The following AFG2A variants were observed in gnomAD, a reference collection of about 807,000 sequenced individuals.
AFG2A encodes the protein AAA ATPase AFG2A.
chr4:123,225,702 T>C, the AFG2A span, among the ~76,000 whole-genome samples: 2,151 of 152,330 alleles, frequency 0.014, 49 homozygotes, highest in African/African-American at 0.048. Context: ...AGGCTCTTTT[T>C]TGGTTCCATA....
chr4:123,236,259 T>C, the AFG2A span, among the ~76,000 whole-genome samples: 1 of 152,228 alleles, frequency 6.6e-6, no homozygotes, highest in Admixed American at 6.5e-5. Context: ...GAAAGGGATG[T>C]AGCTACATAT....
the AFG2A span, among the ~76,000 whole-genome samples, chr4:123,215,078 T>C: frequency 2.0e-5 from 3 of 152,116 alleles, no homozygotes; most frequent in African/African-American, 7.2e-5. Context: ...AGATATATTT[T>C]GAAGACTCAA....
chr4:123,177,354 A>T, the AFG2A span, among the ~76,000 whole-genome samples: 1 of 151,902 alleles, frequency 6.6e-6, no homozygotes, highest in African/African-American at 2.4e-5. Context: ...CACCATGCAC[A>T]GCTAATTTTT....
chr4:122,963,344 T>C, the AFG2A span, among the ~76,000 whole-genome samples: 4 of 151,912 alleles, frequency 2.6e-5, no homozygotes, highest in Non-Finnish European at 2.9e-5. Context: ...AACTGAGGAG[T>C]GGCTAGAGAG....
the AFG2A span, among the ~76,000 whole-genome samples, chr4:123,065,417 G>A: frequency 6.6e-6 from 1 of 152,016 alleles, no homozygotes; most frequent in Non-Finnish European, 1.5e-5. Flanking sequence ...TAAATTCTAG[G>A]TTTTTGGAAG....
At chr4:123,088,957 T>C in the AFG2A span, among the ~76,000 whole-genome samples, 1 of 152,194 alleles carries the variant, frequency 6.6e-6, no homozygotes, top group Non-Finnish European at 1.5e-5. Flanking sequence ...TATTCTTACG[T>C]AGAGTCAAAA....
the AFG2A span, among the ~76,000 whole-genome samples, chr4:123,251,505 C>T: frequency 3.9e-5 from 6 of 152,176 alleles, no homozygotes; most frequent in African/African-American, 7.2e-5. Flanking sequence ...AGTTATTGTA[C>T]GACCTTGGGC....
the AFG2A span, among the ~76,000 whole-genome samples, chr4:122,967,166 G>A: frequency 1.3e-5 from 2 of 152,144 alleles, no homozygotes; most frequent in Non-Finnish European, 2.9e-5. Flanking sequence ...ACTTTGGGAG[G>A]CCAGGCCAGG....
At chr4:123,019,477 G>A in the AFG2A span, among the ~76,000 whole-genome samples, 1 of 152,046 alleles carries the variant, frequency 6.6e-6, no homozygotes, top group African/African-American at 2.4e-5. Context: ...TTAGGTATTG[G>A]CATACAGATA....
At chr4:123,174,112 T>C in the AFG2A span, among the ~76,000 whole-genome samples, 1 of 152,208 alleles carries the variant, frequency 6.6e-6, no homozygotes, top group Admixed American at 6.5e-5. Context: ...AAGCAAGCTA[T>C]ATACTGTCAA....
chr4:123,294,599 T>C, the AFG2A span, among the ~76,000 whole-genome samples: 2 of 152,212 alleles, frequency 1.3e-5, no homozygotes, highest in African/African-American at 2.4e-5. Context: ...GAAGCCAACA[T>C]GCCTGGGAGT....
chr4:123,109,358 A>AT, the AFG2A span, among the ~76,000 whole-genome samples: 3 of 151,866 alleles, frequency 2.0e-5, no homozygotes, highest in East Asian at 1.9e-4. Flanking sequence ...AGCCACATTC[A>AT]TTTTTTTTCT....
the AFG2A span, among the ~76,000 whole-genome samples, chr4:122,993,504 C>T: frequency 6.6e-5 from 10 of 151,910 alleles, no homozygotes; most frequent in African/African-American, 2.2e-4. Flanking sequence ...TTTTTCCATA[C>T]CATTGTTATA....
the AFG2A span, among the ~76,000 whole-genome samples, chr4:123,016,607 G>A: frequency 6.6e-6 from 1 of 150,698 alleles, no homozygotes; most frequent in Non-Finnish European, 1.5e-5. Context: ...ATGGGATGGC[G>A]GCCGGGCAGA....
the AFG2A span, among the ~76,000 whole-genome samples, chr4:123,166,466 T>C: frequency 6.6e-6 from 1 of 152,234 alleles, no homozygotes; most frequent in African/African-American, 2.4e-5. Flanking sequence ...TATATATCTA[T>C]CCTGTTAGTT....
the AFG2A span, among the ~76,000 whole-genome samples, chr4:123,020,431 C>T: frequency 2.0e-5 from 3 of 150,852 alleles, no homozygotes; most frequent in South Asian, 2.1e-4. Context: ...TTCAATGGCG[C>T]GATCTCGGCT....
the AFG2A span, among the ~76,000 whole-genome samples, chr4:122,973,396 A>G: frequency 6.7e-6 from 1 of 149,934 alleles, no homozygotes; most frequent in Non-Finnish European, 1.5e-5. Flanking sequence ...ATTTATATTT[A>G]GGGTAATATC....
chr4:123,003,293 C>T, the AFG2A span, among the ~76,000 whole-genome samples: 1 of 152,214 alleles, frequency 6.6e-6, no homozygotes, highest in Non-Finnish European at 1.5e-5. Flanking sequence ...TTGAAGCCTT[C>T]TTCTCTCAAC....
chr4:123,177,192 A>ATTTTTTTT, the AFG2A span, among the ~76,000 whole-genome samples: 1 of 130,242 alleles, frequency 7.7e-6, no homozygotes, highest in Non-Finnish European at 1.6e-5. Flanking sequence ...GCTTGATTTG[A>ATTTTTTTT]TTTTTTTTTT....
Sources: allele counts gnomAD v4.1 joint callset (sites outside exome capture counted in the v4.1 genomes callset), GRCh38; gene constraint gnomAD v4.1.1; transcripts MANE v1.5; gene names NCBI Gene and HGNC (gene_info 2026-07-23, HGNC 2026-07-21).